RSRP1: variants seen among roughly 807,000 people sequenced by gnomAD.
RSRP1 encodes arginine and serine rich protein 1, also known as arginine/serine-rich protein 1.
A neutral mutation model predicts 33.0 loss-of-function variants in RSRP1; 37 were observed. That is an observed-to-expected ratio of 1.12 (90% CI 0.86 to 1.48). The LOEUF is 1.48. Ranked by LOEUF, RSRP1 falls within the 40% of genes most tolerant of loss-of-function variation. The pLI, the probability that RSRP1 is intolerant of heterozygous loss-of-function variation, is 0.00. For synonymous variants in RSRP1, 167 were observed against 158.7 expected, an observed-to-expected ratio of 1.05 and a Z score of -0.40; for missense variants, 402 against 385.3, an observed-to-expected ratio of 1.04 and a Z score of -0.36.
At chr1:25,268,523 A>C (rs1342308839) in intron 1 of RSRP1, among the ~76,000 whole-genome samples, 1 of 131,620 alleles carries the variant, frequency 7.6e-6, no homozygotes, top group Admixed American at 7.4e-5. Flanking sequence ...CTAAAAAAAA[A>C]ACCTAAATAC....
chr1:25,261,721 T>C (rs1367528812), intron 1 of RSRP1, among the ~76,000 whole-genome samples: 1 of 146,434 alleles, frequency 6.8e-6, no homozygotes, highest in East Asian at 2.0e-4. Flanking sequence ...TTTTTTTTTT[T>C]TTTTTTTTGA....
intron 1 of RSRP1, among the ~76,000 whole-genome samples, chr1:25,262,843 C>T (rs944713743): frequency 7.9e-5 from 12 of 152,290 alleles, no homozygotes; most frequent in African/African-American, 2.9e-4. Context: ...GCCACCTGCA[C>T]ATTGAGGGCG....
At position 25,294,294 on chromosome 1, in the gene RSRP1, C is replaced by G; in HGVS notation, c.-67+43684G>C. ...CTTGGCAGCTTTCTGCGAGGCATCC[C>G]CATGAACATAATCAGTAACAACTTG... On this transcript the variant is annotated intron_variant, in intron 1 of 1. Transcript: ENST00000561867. The G allele has an allele frequency of 8.1e-6, 10 of 1,229,262 alleles. 3 individuals carry two copies. Among genetic ancestry groups the G allele is most frequent in the Non-Finnish European group, 1.2e-5 (10 of 845,824 alleles). The allele number at this position is 1,229,262 out of a possible 1,614,324, so 76.1% of individuals were successfully genotyped here.
upstream of RSRP1, among the ~76,000 whole-genome samples, chr1:25,250,728 G>A (rs1034140755): frequency 6.6e-5 from 10 of 152,046 alleles, no homozygotes; most frequent in Non-Finnish European, 1.3e-4. Context: ...ATGTAGGGGC[G>A]GGCCAGGCGC....
At position 25,243,414 on chromosome 1, in the gene RSRP1, A is replaced by G; in HGVS notation, c.756+136T>C. The G allele has an allele frequency of 3.4e-6, 4 of 1,170,802 alleles. No individual in the cohort carries two copies. In the South Asian group the frequency reaches 6.9e-5, roughly 20 times the overall value. 72.5% of individuals were successfully genotyped at this position (1,170,802 alleles called of 1,614,324 possible). On this transcript the variant is annotated intron_variant, in intron 4 of 4. Transcript: ENST00000243189. ...TAATGGCCACTTATAAAAGTGGCTC[A>G]AAAACAAATGATTTTAATTCTATTT...
At chr1:25,261,495 C>A (rs912275115) in intron 1 of RSRP1, among the ~76,000 whole-genome samples, 11 of 151,306 alleles carry the variant, frequency 7.3e-5, no homozygotes, top group Non-Finnish European at 1.5e-4. Flanking sequence ...ATCTCCGCCT[C>A]CCAGGTTCAC....
chr1:25,279,052 G>A (rs181240449), intron 1 of RSRP1, among the ~76,000 whole-genome samples: 3 of 129,690 alleles, frequency 2.3e-5, no homozygotes, highest in African/African-American at 8.0e-5. Context: ...GAGTGGGAGG[G>A]GGCGCAGATC....
At chr1:25,314,180 TTTGCGCCAATCTAATCACCAG>T (rs1644307951) in intron 1 of RSRP1, among the ~76,000 whole-genome samples, 1 of 133,032 alleles carries the variant, frequency 7.5e-6, no homozygotes, top group African/African-American at 2.6e-5. Context: ...TCTCTAGTAG[TTTGCGCCAATCTAATCACCAG>T]TAGTGTATAG....
rs774750200 is a variant in RSRP1 at position 25,301,470 on chromosome 1, C to T, written c.-67+36508G>A. ...CATCCAAAACCCCTCGAGGCTCAGA[C>T]CTTTGGAGCAGGAGTGTGATTCTGG... On this transcript the variant is annotated intron_variant, in intron 1 of 1. Coordinates refer to the RSRP1 transcript ENST00000561867. 3.0e-6 allele frequency: 4 copies of T among 1,341,750 alleles called. 1 individual carries two copies. The highest frequency in any genetic ancestry group is 4.2e-6 in the Non-Finnish European group (4 of 946,304). 83.1% of individuals were successfully genotyped at this position (1,341,750 alleles called of 1,614,324 possible).
rs1378803935 is a variant in RSRP1 at position 25,316,012 on chromosome 1, A to G, written c.-67+21966T>C. ...TTAAAAATGAGAACATGAGCTGCCCACCTGTTGAGACAAGAAACAGGAAAG... is the reference window on the plus strand; with the variant it reads ...TTAAAAATGAGAACATGAGCTGCCCGCCTGTTGAGACAAGAAACAGGAAAG... On this transcript the variant is annotated intron_variant, in intron 1 of 1. Coordinates refer to the RSRP1 transcript ENST00000561867. Among the ~76,000 whole-genome samples the G allele has an allele frequency of 1.5e-5, 2 of 130,982 alleles. 1 individual carries two copies. The highest frequency in any genetic ancestry group is 5.3e-5 in the African/African-American group (2 of 37,994). 85.9% of individuals were successfully genotyped at this position (130,982 alleles called of 152,430 possible). A position where few individuals can be genotyped will look rare whatever the true frequency, so the allele number is the denominator to read the frequency against.
At chr1:25,334,840 C>T (rs1238506683) in intron 1 of RSRP1, among the ~76,000 whole-genome samples, 1 of 131,788 alleles carries the variant, frequency 7.6e-6, no homozygotes, top group African/African-American at 2.7e-5. Flanking sequence ...GGATGCAGGG[C>T]ACCAAGTCCC....
rs1034450923 is a variant in RSRP1, at chr1:25,312,600, A to C, written c.-67+25378T>G. ...CTCTACAAAAAATAAAAATAAAAAA[A>C]TTAGCCAGGTATTGTGGCATATACC... On this transcript the variant is annotated intron_variant, in intron 1 of 1. Transcript: ENST00000561867. Among the ~76,000 whole-genome samples the C allele has an allele frequency of 1.5e-5, 2 of 129,364 alleles. 1 individual carries two copies. Among genetic ancestry groups the C allele is most frequent in the Non-Finnish European group, 3.6e-5 (2 of 54,812 alleles). The allele number at this position is 129,364 out of a possible 152,430, so 84.9% of individuals were successfully genotyped here.
chr1:25,287,392 G>A (rs887415572), intron 1 of RSRP1, among the ~76,000 whole-genome samples: 1 of 135,420 alleles, frequency 7.4e-6, no homozygotes, highest in African/African-American at 2.5e-5. Context: ...CTCGCAGCCT[G>A]AGTGAACTCC....
Position 25,304,546 on chromosome 1 carries a change from T to C in RSRP1, c.-67+33432A>G, listed in dbSNP as rs550757571. ...CTGGGAGACAGAGCTTGCAGTGAGC[T>C]GAAATCGTGCCATGGCACTCCAGCC... On this transcript the variant is annotated intron_variant, in intron 1 of 1. Transcript: ENST00000561867. 3 of 127,360 alleles carry C rather than the reference T, an allele frequency of 2.4e-5. 1 individual carries two copies. The highest frequency in any genetic ancestry group is 1.5e-4 in the Admixed American group (2 of 13,144). 7.9% of individuals were successfully genotyped at this position (127,360 alleles called of 1,614,324 possible).
At chr1:25,307,562 A>G (rs2124695342) in intron 1 of RSRP1, 2 of 607,806 alleles carry the variant, frequency 3.3e-6, no homozygotes, top group Admixed American at 4.8e-5. Flanking sequence ...CATTATATGC[A>G]TTATCTCCTT....
At chr1:25,308,924 A>G (rs542845178) in intron 1 of RSRP1, among the ~76,000 whole-genome samples, 2 of 131,844 alleles carry the variant, frequency 1.5e-5, no homozygotes, top group Admixed American at 1.5e-4. Context: ...AAATGGGAAA[A>G]TAAGACCTAT....
At chr1:25,258,895 G>C (rs185742363) in intron 1 of RSRP1, among the ~76,000 whole-genome samples, 1 of 152,098 alleles carries the variant, frequency 6.6e-6, no homozygotes, top group Non-Finnish European at 1.5e-5. Context: ...CAATGTTCGC[G>C]CAGGCACTGG....
At chr1:25,244,488 A>G in intron 3 of RSRP1, 1 of 1,289,376 alleles carries the variant, frequency 7.8e-7, no homozygotes, top group Non-Finnish European at 1.0e-6. Flanking sequence ...TGCAGACCAC[A>G]TTCATGATTT....
chr1:25,256,137 C>T (rs886668389), intron 1 of RSRP1, among the ~76,000 whole-genome samples: 1 of 150,774 alleles, frequency 6.6e-6, no homozygotes. Flanking sequence ...TGGAAGTCTT[C>T]TATCCGGATC....
Sources: gnomAD v4.1 joint callset for allele counts (sites outside exome capture counted in the v4.1 genomes callset) on GRCh38, gnomAD v4.1.1 for gene constraint, MANE v1.5 for transcripts, NCBI Gene and HGNC (gene_info 2026-07-23, HGNC 2026-07-21) for gene names.